Variants in ELMO1 observed in about 807,000 individuals in gnomAD.
ELMO1 encodes engulfment and cell motility protein 1.
In ELMO1, 26 loss-of-function variants were observed where a neutral mutation model predicts 98.9. That is an observed-to-expected ratio of 0.26 (90% CI 0.19 to 0.36). ELMO1 has a LOEUF of 0.36. Among genes scored for constraint, ELMO1 ranks in the 10% least tolerant of loss-of-function variants. The probability of loss-of-function intolerance (pLI) is 1.00; values close to 1 mark genes in which losing one functional copy is unlikely to be tolerated. For missense variants in ELMO1, 627 were observed against 935.2 expected (o/e 0.67, Z 4.30); for synonymous variants, 346 against 346.0 (o/e 1.00, Z 0.00).
At chr7:36,944,789 G>A (rs987446375) in intron 16 of ELMO1, among the ~76,000 whole-genome samples, 4 of 152,146 alleles carry the variant, frequency 2.6e-5, no homozygotes, top group Non-Finnish European at 5.9e-5. Context: ...GAAAACATAG[G>A]CCCTCATACA....
chr7:37,173,101 CTTAAT>C (rs375399476), intron 13 of ELMO1, among the ~76,000 whole-genome samples: 1 of 152,216 alleles, frequency 6.6e-6, no homozygotes, highest in African/African-American at 2.4e-5. Flanking sequence ...TTTCCTGTAT[CTTAAT>C]TTAATCTGCC....
At chr7:36,866,575 C>T (rs1803046026) in intron 20 of ELMO1, among the ~76,000 whole-genome samples, 1 of 152,192 alleles carries the variant, frequency 6.6e-6, no homozygotes, top group Admixed American at 6.5e-5. Context: ...TCAGCAGAGA[C>T]CGAATGGGTG....
At chr7:37,432,550 T>C (rs1804974694) in intron 1 of ELMO1, among the ~76,000 whole-genome samples, 2 of 152,228 alleles carry the variant, frequency 1.3e-5, no homozygotes, top group Admixed American at 1.3e-4. Context: ...CAAGACACTA[T>C]CAAGTTTCAA....
At chr7:36,930,923 C>T (rs969912905) in intron 16 of ELMO1, among the ~76,000 whole-genome samples, 8 of 152,188 alleles carry the variant, frequency 5.3e-5, no homozygotes, top group Non-Finnish European at 1.0e-4. Context: ...TGAGAACATG[C>T]GCACCTTCAG....
chr7:36,999,760 C>G (rs35952164), intron 16 of ELMO1, among the ~76,000 whole-genome samples: 11,448 of 152,138 alleles, frequency 0.075, 533 homozygotes, highest in Middle Eastern at 0.15. Flanking sequence ...GCATATGGCT[C>G]CATGTCATCT....
intron 18 of ELMO1, among the ~76,000 whole-genome samples, chr7:36,886,100 C>T (rs186158340): frequency 2.2e-4 from 34 of 152,254 alleles, no homozygotes; most frequent in African/African-American, 5.8e-4. Context: ...ACATGATGCC[C>T]GATGCAAGGA....
chr7:37,378,661 AC>A lies in ELMO1; in HGVS notation c.-73-35899del, dbSNP rs529346206. ...TGAACTTTAATTTGCTATATTCTTGACTCTGTGCCCCAAGATCTACTTCTCC... is the reference window on the plus strand; with the variant it reads ...TGAACTTTAATTTGCTATATTCTTGATCTGTGCCCCAAGATCTACTTCTCC... On this transcript the variant is annotated intron_variant, in intron 1 of 21. Coordinates refer to ENST00000310758, the MANE Select transcript of ELMO1 (RefSeq NM_014800.11). Among the ~76,000 whole-genome samples the A allele has an allele frequency of 2.2e-3, 339 of 152,072 alleles. 4 individuals are homozygous for A. The highest frequency in any genetic ancestry group is 7.5e-3 in the African/African-American group (311 of 41,472).
intron 14 of ELMO1, among the ~76,000 whole-genome samples, chr7:37,114,723 C>A (rs532659497): frequency 2.6e-5 from 4 of 151,726 alleles, no homozygotes; most frequent in African/African-American, 9.7e-5. Flanking sequence ...CAAATTAAAT[C>A]TAAAGTAAGC....
chr7:37,226,504 C>T (rs986625525), intron 8 of ELMO1, among the ~76,000 whole-genome samples: 6 of 152,122 alleles, frequency 3.9e-5, no homozygotes, highest in African/African-American at 1.4e-4. Flanking sequence ...ATCTTCTAAA[C>T]AGAGGATAAA....
intron 1 of ELMO1, among the ~76,000 whole-genome samples, chr7:37,402,663 G>A (rs13245967): frequency 0.18 from 26,785 of 152,086 alleles, 2,890 homozygotes; most frequent in East Asian, 0.33. Flanking sequence ...CCTGACTTCT[G>A]GTTAAGTAAA....
At chr7:37,141,195 T>C (rs990175938) in intron 13 of ELMO1, among the ~76,000 whole-genome samples, 4 of 152,328 alleles carry the variant, frequency 2.6e-5, no homozygotes, top group Non-Finnish European at 4.4e-5. Context: ...CCATGGAATA[T>C]GACTCAGCCA....
intron 16 of ELMO1, chr7:36,986,584 C>G (rs1029583437): frequency 6.6e-6 from 1 of 152,206 alleles, no homozygotes; most frequent in Non-Finnish European, 1.5e-5. Flanking sequence ...TAGAAACAGA[C>G]TGGCTGCAGC....
chr7:37,149,708 T>C (rs1419970409), intron 13 of ELMO1, among the ~76,000 whole-genome samples: 1 of 152,200 alleles, frequency 6.6e-6, no homozygotes, highest in African/African-American at 2.4e-5. Flanking sequence ...GGGAAACATT[T>C]GCAGACTCTT....
chr7:37,447,714 C>CCACACACAGA (rs1554316233), intron 1 of ELMO1, among the ~76,000 whole-genome samples: 1 of 132,140 alleles, frequency 7.6e-6, no homozygotes. Flanking sequence ...CGCGCACACA[C>CCACACACAGA]CACACACACA....
chr7:37,093,859 G>A (rs1046421539), intron 15 of ELMO1, among the ~76,000 whole-genome samples: 5 of 152,208 alleles, frequency 3.3e-5, no homozygotes, highest in African/African-American at 1.2e-4. Context: ...GCAGATGATG[G>A]CAAGCAATAA....
chr7:37,121,785 G>A (rs2129288620), intron 14 of ELMO1, among the ~76,000 whole-genome samples: 2 of 152,236 alleles, frequency 1.3e-5, no homozygotes, highest in African/African-American at 4.8e-5. Flanking sequence ...ACGCCACAAA[G>A]ATACTCCTCG....
At chr7:36,936,405 T>C (rs576115361) in intron 16 of ELMO1, among the ~76,000 whole-genome samples, 2 of 152,332 alleles carry the variant, frequency 1.3e-5, no homozygotes, top group Non-Finnish European at 1.5e-5. Context: ...CCCTGAATTC[T>C]ACCTTAGTCT....
chr7:36,957,826 T>C (rs1788595166), intron 16 of ELMO1, among the ~76,000 whole-genome samples: 2 of 152,112 alleles, frequency 1.3e-5, no homozygotes, highest in Admixed American at 6.5e-5. Flanking sequence ...TGACACAACA[T>C]CCTGTTCCCA....
intron 2 of ELMO1, among the ~76,000 whole-genome samples, chr7:37,316,760 T>G (rs937497110): frequency 6.6e-5 from 10 of 151,706 alleles, no homozygotes; most frequent in Non-Finnish European, 1.3e-4. Context: ...AGACAAGAAA[T>G]GAATGAGGAA....
Sources: gnomAD v4.1 joint callset for allele counts (sites outside exome capture counted in the v4.1 genomes callset) on GRCh38, gnomAD v4.1.1 for gene constraint, MANE v1.5 for transcripts, NCBI Gene and HGNC (gene_info 2026-07-23, HGNC 2026-07-21) for gene names.